ARHGAP45: variants seen among roughly 807,000 people sequenced by gnomAD.
ARHGAP45 encodes the protein rho GTPase-activating protein 45.
In ARHGAP45, 56 loss-of-function variants were observed where a neutral mutation model predicts 116.1. That is an observed-to-expected ratio of 0.48 (90% CI 0.39 to 0.60). The LOEUF (loss-of-function observed/expected upper bound fraction) is 0.60. Among genes scored for constraint, ARHGAP45 ranks in the 20% least tolerant of loss-of-function variants. ARHGAP45 has a pLI of 0.00. For missense variants in ARHGAP45, 1,622 were observed against 1,601.0 expected (o/e 1.01, Z -0.22); for synonymous variants, 866 against 701.7 (o/e 1.23, Z -3.70).
In ARHGAP45 at chr19:1,079,818, A is replaced by G. The variant is rs373642754; in HGVS notation, c.1490A>G (p.Gln497Arg). 1.2e-5 allele frequency: 20 copies of G among 1,608,004 alleles called. No individual in the cohort carries two copies. In the African/African-American group the frequency reaches 2.5e-4, roughly 20 times the overall value. Residue 497 changes from glutamine to arginine, a missense_variant, in exon 12 of 23, where the codon CAG becomes CGG. This residue lies in a region of ARHGAP45 where 1,334 missense variants were observed against 1,263.8 expected (regional missense o/e 1.06). Coordinates refer to ENST00000313093, the MANE Select transcript of ARHGAP45 (RefSeq NM_012292.5). The part of the protein sequence containing the change: ...ALRQIQEVIR[Q>R]SDQTIKSATI... ...CGGCAGATCCAGGAGGTCATCCGGC[A>G]GAGCGACCAAACCATCAAGTCGGTG...
rs994079618 is a variant in ARHGAP45, at chr19:1,068,866, T to C, written c.421+122T>C. ...GGCTCAGATGGCAGGGAGGGCTGTG[T>C]GGAAGAGGCCATGACAGCTAAGGCT... On this transcript the variant is annotated intron_variant, in intron 2 of 22. Coordinates refer to ENST00000313093, the MANE Select transcript of ARHGAP45 (RefSeq NM_012292.5). The surrounding 1 kb of genome is among the most constrained non-coding windows in gnomAD (Gnocchi z 7.5). 1.1e-6 allele frequency: 1 copy of C among 928,458 alleles called. No homozygotes were observed. Among genetic ancestry groups the C allele is most frequent in the Non-Finnish European group, 1.7e-6 (1 of 601,820 alleles). The allele number at this position is 928,458 out of a possible 1,614,324, so 57.5% of individuals were successfully genotyped here.
At chr19:1,077,823 G>T (rs2043297966) in intron 10 of ARHGAP45, 34 bp from the exon 11 acceptor site, 2 of 1,550,972 alleles carry the variant, frequency 1.3e-6, no homozygotes, top group Admixed American at 2.0e-5. Context: ...CGAGGATAGG[G>T]TTGGAACTGG....
chr19:1,074,264 G>A (rs1218651005), intron 7 of ARHGAP45, 23 bp downstream of exon 7: 4 of 1,612,298 alleles, frequency 2.5e-6, no homozygotes, highest in Non-Finnish European at 3.4e-6. Flanking sequence ...GTCCCAGCAG[G>A]GTGGGTCTGG....
intron 22 of ARHGAP45, among the ~76,000 whole-genome samples, chr19:1,085,336 T>C (rs1397149639): frequency 6.6e-6 from 1 of 152,088 alleles, no homozygotes; most frequent in East Asian, 1.9e-4. Context: ...TCAACCATCC[T>C]CCACCAGCTC....
chr19:1,085,783 G>T lies in ARHGAP45; in HGVS notation c.3188G>T (p.Ser1063Ile), dbSNP rs759764074. ...SFLEQQQSEA[S>I]LEVASGSHSG... Reference sequence around the variant, plus strand: ...CTGGAGCAGCAGCAGAGCGAGGCCAGCCTAGAGGTGGCTTCTGGCAGCCAC... The same window carrying T: ...CTGGAGCAGCAGCAGAGCGAGGCCATCCTAGAGGTGGCTTCTGGCAGCCAC... Residue 1063 changes from serine to isoleucine, a missense_variant, in exon 23 of 23, where the codon AGC becomes ATC. Ser to Ile is a moderately radical substitution (Grantham distance 142). Coordinates refer to ENST00000313093, the MANE Select transcript of ARHGAP45 (RefSeq NM_012292.5). 6.2e-7 allele frequency: 1 copy of T among 1,612,806 alleles called. No individual in the cohort carries two copies. Among genetic ancestry groups the T allele is most frequent in the South Asian group, 1.1e-5 (1 of 91,082 alleles).
chr19:1,080,591 T>C (rs1477700412), intron 15 of ARHGAP45, 44 bp downstream of exon 15: 1 of 1,606,660 alleles, frequency 6.2e-7, no homozygotes, highest in African/African-American at 1.3e-5. Flanking sequence ...AGCTGCCTCC[T>C]CTCCTGAGCC....
At chr19:1,077,342 C>A in intron 10 of ARHGAP45, 1 of 995,320 alleles carries the variant, frequency 1.0e-6, no homozygotes, top group Non-Finnish European at 1.2e-6. Context: ...CCCATTTCTC[C>A]GAGTGTCCTG....
Position 1,067,254 on chromosome 19 carries a change from G to T in ARHGAP45, c.-152G>T. Reference sequence around the variant, plus strand: ...CCGAAGCCTTTTCCTGTTGGGGGGAGGGCCCGCCAGTGACGGCCGGGCCTG... The same window carrying T: ...CCGAAGCCTTTTCCTGTTGGGGGGATGGCCCGCCAGTGACGGCCGGGCCTG... On this transcript the variant is annotated 5_prime_UTR_variant, in exon 1 of 23. It adds an upstream start codon to the 5' untranslated region. Transcript: ENST00000313093. The T allele has an allele frequency of 7.4e-7, 1 of 1,358,378 alleles. No homozygotes were observed. Among genetic ancestry groups the T allele is most frequent in the Non-Finnish European group, 9.5e-7 (1 of 1,048,384 alleles). The allele number at this position is 1,358,378 out of a possible 1,614,324, so 84.1% of individuals were successfully genotyped here.
At position 1,085,802 on chromosome 19, in the gene ARHGAP45, C is replaced by T; in HGVS notation, c.3207C>T (p.Gly1069=). The part of the protein sequence containing the change: ...QSEASLEVAS[G]SHSGSEEQLE... ...AGGCCAGCCTAGAGGTGGCTTCTGG[C>T]AGCCACAGCGGCAGTGAGGAGCAGC... Residue 1069 remains glycine, a synonymous_variant, in exon 23 of 23, where the codon GGC becomes GGT. Coordinates refer to ENST00000313093, the MANE Select transcript of ARHGAP45 (RefSeq NM_012292.5). The T allele has an allele frequency of 6.2e-7, 1 of 1,612,828 alleles. No individual in the cohort carries two copies. Among genetic ancestry groups the T allele is most frequent in the Non-Finnish European group, 8.5e-7 (1 of 1,179,910 alleles).
rs371532691 is a variant in ARHGAP45 at position 1,083,343 on chromosome 19, C to G, written c.2945C>G (p.Pro982Arg). 1.5e-4 allele frequency: 234 copies of G among 1,548,904 alleles called. No individual in the cohort carries two copies. Among genetic ancestry groups the G allele is most frequent in the Non-Finnish European group, 1.9e-4 (217 of 1,149,224 alleles). ...TTCGAGGAGGAGCCGGAGGAGACCC[C>G]CGGGGGCCAGGTGAGGGTGTGGGCC... ...LVFEEEPEET[P>R]GGQDESSNQR... Residue 982 changes from proline to arginine, a missense_variant, in exon 21 of 23, where the codon CCC becomes CGC. Coordinates refer to ENST00000313093, the MANE Select transcript of ARHGAP45 (RefSeq NM_012292.5).
Position 1,080,016 on chromosome 19 carries a change from A to G in ARHGAP45, c.1601A>G (p.Tyr534Cys). The G allele has an allele frequency of 6.2e-7, 1 of 1,612,934 alleles. No homozygotes were observed. The highest frequency in any genetic ancestry group is 1.1e-5 in the South Asian group (1 of 91,088). The change falls in exon 13 of 23, where the codon TAT becomes TGT. Residue 534 changes from tyrosine (Y) to cysteine (C), a missense_variant. This residue lies in a region of ARHGAP45 where 1,334 missense variants were observed against 1,263.8 expected (regional missense o/e 1.06). Transcript: ENST00000313093. Reference sequence around the variant, plus strand: ...ATGCTGTGTGAGAGCAGCAAGCTGTATGACCCAGGCCAGCAGTACGCCTCC... The same window carrying G: ...ATGCTGTGTGAGAGCAGCAAGCTGTGTGACCCAGGCCAGCAGTACGCCTCC... ...FQMLCESSKL[Y>C]DPGQQYASHV... is the part of the protein sequence containing the mutation.
At chr19:1,067,579 G>A (rs1325532251) in intron 1 of ARHGAP45, 84 bp downstream of exon 1, 7 of 1,339,326 alleles carry the variant, frequency 5.2e-6, no homozygotes, top group Non-Finnish European at 6.3e-6. Flanking sequence ...GCTCATGCTG[G>A]GGCGGCGGCT....
In ARHGAP45 at chr19:1,071,341, G is replaced by A. The variant is rs753591775; in HGVS notation, c.422-1808G>A. 869 of 1,359,556 alleles carry A rather than the reference G, an allele frequency of 6.4e-4. 2 individuals are homozygous for A. Among genetic ancestry groups the A allele is most frequent in the South Asian group, 1.7e-3 (105 of 61,766 alleles). 84.2% of individuals were successfully genotyped at this position (1,359,556 alleles called of 1,614,324 possible). A position where few individuals can be genotyped will look rare whatever the true frequency, so the allele number is the denominator to read the frequency against. ...GTGCTGGACGAGGGCCCCGTGCGCT[G>A]CCGGGCGGGCCCCCGAGGTGAGGGG... On this transcript the variant is annotated intron_variant, in intron 2 of 22. Transcript: ENST00000313093. The surrounding 1 kb of genome is among the most constrained non-coding windows in gnomAD (Gnocchi z 4.6).
At chr19:1,082,080 G>T (rs975733779) in intron 19 of ARHGAP45, 119 bp downstream of exon 19, 2 of 1,069,464 alleles carry the variant, frequency 1.9e-6, no homozygotes, top group Non-Finnish European at 1.3e-6. Flanking sequence ...TGGCGCAAGC[G>T]GGGGCCTGGG....
At chr19:1,082,265 A>G (rs1239321231) in intron 19 of ARHGAP45, among the ~76,000 whole-genome samples, 132 of 82,636 alleles carry the variant, frequency 1.6e-3, no homozygotes, top group African/African-American at 6.1e-3. Context: ...GGCACACCTG[A>G]CGCTGTGCGG....
chr19:1,078,761 G>C (rs2043341230), intron 11 of ARHGAP45, among the ~76,000 whole-genome samples: 1 of 151,844 alleles, frequency 6.6e-6, no homozygotes, highest in South Asian at 2.1e-4. Flanking sequence ...CTGTCACCCA[G>C]GCTGGAGTGC....
chr19:1,068,374 G>A lies in ARHGAP45; in HGVS notation c.91-40G>A, dbSNP rs554712031. ...GGGAAACTGAGGCCGTGTCCAGGCC[G>A]GAAAATCCCTTTAACGAGCTCCCCT... On this transcript the variant is annotated intron_variant, in intron 1 of 22. Coordinates refer to ENST00000313093, the MANE Select transcript of ARHGAP45 (RefSeq NM_012292.5). The surrounding 1 kb of genome is among the most constrained non-coding windows in gnomAD (Gnocchi z 7.5). 8.5e-5 allele frequency: 125 copies of A among 1,462,146 alleles called. No individual in the cohort carries two copies. The South Asian group carries it at 1.3e-3, about 15-fold the overall frequency. 90.6% of individuals were successfully genotyped at this position (1,462,146 alleles called of 1,614,324 possible).
In ARHGAP45 at chr19:1,084,333, G is replaced by C. The variant is rs756048698; in HGVS notation, c.3051G>C (p.Ala1017=). Residue 1017 remains alanine, a synonymous_variant, in exon 22 of 23, where the codon GCG becomes GCC. Transcript: ENST00000313093. ...AVVYPLQEAA[A]DGCRESRVVS... ...TCTACCCGCTGCAGGAGGCGGCGGC[G>C]GACGGGTGCAGAGGTGAGTGTGTGG... 2 of 1,609,882 alleles carry C rather than the reference G, an allele frequency of 1.2e-6. No homozygotes were observed. The highest frequency in any genetic ancestry group is 2.7e-5 in the African/African-American group (2 of 74,688).
At chr19:1,085,410 A>G (rs1186545824) in intron 22 of ARHGAP45, among the ~76,000 whole-genome samples, 1 of 151,940 alleles carries the variant, frequency 6.6e-6, no homozygotes, top group Non-Finnish European at 1.5e-5. Context: ...ACACAGAGCC[A>G]GACCCTATCA....
Sources: allele counts gnomAD v4.1 joint callset (sites outside exome capture counted in the v4.1 genomes callset), GRCh38; gene constraint gnomAD v4.1.1; regional missense constraint gnomAD v4.1.1; non-coding constraint Gnocchi (gnomAD v3.1); transcripts MANE v1.5; gene names NCBI Gene and HGNC (gene_info 2026-07-23, HGNC 2026-07-21).